WDR19: variants seen among roughly 807,000 people sequenced by gnomAD.
WDR19 encodes the protein WD repeat domain 19, also known as WD repeat-containing protein 19.
Under a neutral mutation model 180.0 loss-of-function variants are expected in WDR19, and 121 were observed. The ratio of observed to expected loss-of-function variants is 0.67; its 90% CI spans 0.58 to 0.78. The LOEUF (loss-of-function observed/expected upper bound fraction) is 0.78. WDR19 is among the 30% of genes least tolerant of loss of function. WDR19 has a pLI of 0.00. For synonymous variants in WDR19, 497 were observed against 540.7 expected, an observed-to-expected ratio of 0.92 and a Z score of 1.12; for missense variants, 1,450 against 1,640.7, an observed-to-expected ratio of 0.88 and a Z score of 2.01.
chr4:39,279,812 G>A (rs1419172305), intron 36 of WDR19, among the ~76,000 whole-genome samples: 1 of 150,090 alleles, frequency 6.7e-6, no homozygotes, highest in Admixed American at 6.7e-5. Flanking sequence ...AGTGATTCTC[G>A]TGCCTCAGGC....
chr4:39,274,402 G>A (rs2167493), intron 32 of WDR19: 158,867 of 163,054 alleles, frequency 0.97, 77,515 homozygotes, highest in Middle Eastern at 1. Flanking sequence ...TTTTTGAGCC[G>A]GTAATTCTGG....
chr4:39,235,912 G>A (rs995494401), intron 20 of WDR19, among the ~76,000 whole-genome samples: 14 of 151,974 alleles, frequency 9.2e-5, no homozygotes, highest in African/African-American at 3.4e-4. Flanking sequence ...TCAGAAAAAT[G>A]CAAATTAAAA....
chr4:39,282,043 C>T (rs1239530232), intron 36 of WDR19, among the ~76,000 whole-genome samples: 5 of 152,132 alleles, frequency 3.3e-5, no homozygotes, highest in African/African-American at 1.2e-4. Flanking sequence ...ATAAAGGGCT[C>T]ACCTGATGAA....
At chr4:39,270,210 A>T in intron 31 of WDR19, 110 bp downstream of exon 31, 4 of 1,384,290 alleles carry the variant, frequency 2.9e-6, no homozygotes, top group South Asian at 1.4e-5. Context: ...AGATGTCTGT[A>T]TTGTTAAGTA....
At chr4:39,196,807 T>C (rs143830874) in intron 5 of WDR19, among the ~76,000 whole-genome samples, 167 of 152,296 alleles carry the variant, frequency 1.1e-3, no homozygotes, top group African/African-American at 3.9e-3. Flanking sequence ...TCTGACCTCA[T>C]CTCATGTTCT....
chr4:39,249,803 T>G (rs561945641), intron 24 of WDR19, among the ~76,000 whole-genome samples: 7 of 152,052 alleles, frequency 4.6e-5, no homozygotes, highest in Non-Finnish European at 8.8e-5. Context: ...AGGAAGAAGT[T>G]GAATCTCTGA....
intron 20 of WDR19, among the ~76,000 whole-genome samples, chr4:39,235,396 C>T (rs1731278258): frequency 6.6e-6 from 1 of 152,132 alleles, no homozygotes; most frequent in African/African-American, 2.4e-5. Context: ...TCCCAAAGTG[C>T]TAGGATTATA....
In WDR19 at chr4:39,240,574, C is replaced by A. The variant is rs141225598; in HGVS notation, c.2421+240C>A. Among the ~76,000 whole-genome samples, 50 of 152,160 alleles carry A rather than the reference C, an allele frequency of 3.3e-4. No homozygotes were observed. In the East Asian group the frequency reaches 9.1e-3, roughly 28 times the overall value. ...TAAGTTTTACATCCTTAATATAAGT[C>A]TAATTAAAGTTGGAAATAAGATTTT... On this transcript the variant is annotated intron_variant, in intron 21 of 36. Coordinates refer to ENST00000399820, the MANE Select transcript of WDR19 (RefSeq NM_025132.4).
intron 30 of WDR19, 68 bp from the exon 31 acceptor site, chr4:39,269,908 T>TG (rs1238168812): frequency 1.9e-6 from 3 of 1,572,966 alleles, no homozygotes; most frequent in Non-Finnish European, 2.6e-6. Context: ...ACTAGTAAGA[T>TG]GGGGGTCCAT....
At chr4:39,239,210 T>G (rs1185063751) in intron 20 of WDR19, among the ~76,000 whole-genome samples, 1 of 152,162 alleles carries the variant, frequency 6.6e-6, no homozygotes, top group Non-Finnish European at 1.5e-5. Flanking sequence ...ACTCCTGACC[T>G]TATGATCCGT....
chr4:39,277,126 C>G lies in WDR19; in HGVS notation c.3823C>G (p.Pro1275Ala), dbSNP rs200670161. Reference protein sequence around the residue: ...LLCPGCKNSIPYCIATGRHML... With the variant: ...LLCPGCKNSIAYCIATGRHML... ...CTGTCCTGGATGTAAAAACAGTATC[C>G]CATATTGCATTGCAACAGTGAGTTC... Residue 1275 changes from proline to alanine, a missense_variant, in exon 34 of 37, where the codon CCA becomes GCA. Coordinates refer to ENST00000399820, the MANE Select transcript of WDR19 (RefSeq NM_025132.4). The G allele has an allele frequency of 1.8e-4, 289 of 1,610,480 alleles. 1 individual carries two copies. Among genetic ancestry groups the G allele is most frequent in the Middle Eastern group, 6.6e-4 (4 of 6,058 alleles).
Position 39,270,165 on chromosome 4 carries a change from C to G in WDR19, c.3483+65C>G, listed in dbSNP as rs116476399. The G allele has an allele frequency of 2.3e-3, 3,614 of 1,590,006 alleles. 73 individuals are homozygous for G. The African/African-American group carries it at 0.043, about 19-fold the overall frequency. On this transcript the variant is annotated intron_variant, in intron 31 of 36. Coordinates refer to ENST00000399820, the MANE Select transcript of WDR19 (RefSeq NM_025132.4). ...TGTTTGTCCCCCATTGAGATTTTCT[C>G]CAGGCCCTTCTCCATTGGATTCGAG...
intron 28 of WDR19, among the ~76,000 whole-genome samples, chr4:39,263,400 C>A (rs908248011): frequency 3.3e-5 from 5 of 152,168 alleles, no homozygotes; most frequent in Non-Finnish European, 5.9e-5. Flanking sequence ...CAGAACACTG[C>A]ATCTTCTGTT....
At chr4:39,188,246 T>C (rs1336816219) in intron 3 of WDR19, among the ~76,000 whole-genome samples, 3 of 151,776 alleles carry the variant, frequency 2.0e-5, no homozygotes, top group African/African-American at 7.3e-5. Flanking sequence ...AGATGAAAAA[T>C]AACATCAGAA....
At chr4:39,208,726 T>C (rs1728203292) in intron 9 of WDR19, among the ~76,000 whole-genome samples, 1 of 152,218 alleles carries the variant, frequency 6.6e-6, no homozygotes. Flanking sequence ...AGATAGCTAC[T>C]CTAGCCATCA....
chr4:39,263,097 A>C (rs1734457272), intron 28 of WDR19, among the ~76,000 whole-genome samples: 1 of 90,856 alleles, frequency 1.1e-5, no homozygotes, highest in African/African-American at 4.4e-5. Context: ...TCAACACCTC[A>C]AGGCTCTGAA....
At chr4:39,236,212 A>C (rs866720767) in intron 20 of WDR19, among the ~76,000 whole-genome samples, 38 of 152,342 alleles carry the variant, frequency 2.5e-4, no homozygotes, top group African/African-American at 7.7e-4. Context: ...TATTCATAAT[A>C]GCAAAGGTAA....
chr4:39,278,249 G>C, intron 35 of WDR19, 42 bp downstream of exon 35: 4 of 1,507,090 alleles, frequency 2.7e-6, no homozygotes, highest in Middle Eastern at 1.7e-4. Flanking sequence ...GATTTCTCCC[G>C]ACACAGGCCT....
intron 17 of WDR19, among the ~76,000 whole-genome samples, chr4:39,229,051 A>C (rs1229342938): frequency 2.0e-5 from 3 of 152,170 alleles, no homozygotes; most frequent in African/African-American, 7.2e-5. Context: ...GAGAACATGC[A>C]GTTTTTGACT....
Sources: gnomAD v4.1 joint callset for allele counts (sites outside exome capture counted in the v4.1 genomes callset) on GRCh38, gnomAD v4.1.1 for gene constraint, MANE v1.5 for transcripts, NCBI Gene and HGNC (gene_info 2026-07-23, HGNC 2026-07-21) for gene names.